The following ZNF687 variants were observed in gnomAD, a reference collection of about 807,000 sequenced individuals.
ZNF687 encodes zinc finger protein 687.
A neutral mutation model predicts 71.8 loss-of-function variants in ZNF687; 13 were observed. The ratio of observed to expected loss-of-function variants is 0.18; its 90% CI spans 0.12 to 0.29. ZNF687 has a LOEUF of 0.29. Ranked by LOEUF, ZNF687 falls within the 10% of genes least tolerant of loss-of-function variation. ZNF687 has a pLI of 1.00. For synonymous variants in ZNF687, 673 were observed against 641.6 expected, an observed-to-expected ratio of 1.05 and a Z score of -0.74; for missense variants, 1,412 against 1,625.6, an observed-to-expected ratio of 0.87 and a Z score of 2.26.
Position 151,291,201 on chromosome 1 carries a change from G to A in ZNF687, c.3706G>A (p.Asp1236Asn), listed in dbSNP as rs1557776454. Residue 1236 changes from aspartate to asparagine, a missense_variant, in exon 9 of 9, where the codon GAC (aspartate) becomes AAC (asparagine). By Grantham distance (23) the Asp-to-Asn change is conservative. Coordinates refer to ENST00000336715, the MANE Select transcript of ZNF687 (RefSeq NM_020832.3). Reference protein sequence around the residue: ...FIRARQGAVGDN With the variant: ...FIRARQGAVGNN ...CAGGGCTCGGCAGGGGGCTGTTGGGGACAACTAGTCTCCAAGGCCTGGGAC... is the reference window on the plus strand; with the variant it reads ...CAGGGCTCGGCAGGGGGCTGTTGGGAACAACTAGTCTCCAAGGCCTGGGAC... 1.9e-6 allele frequency: 3 copies of A among 1,609,494 alleles called. No homozygotes were observed. The highest frequency in any genetic ancestry group is 1.7e-5 in the Admixed American group (1 of 59,828).
chr1:151,291,181 C>A lies in ZNF687; in HGVS notation c.3686C>A (p.Ala1229Asp). Reference protein sequence around the residue: ...FRTHGMAFIRARQGAVGDN With the variant: ...FRTHGMAFIRDRQGAVGDN ...ACGCATGGCATGGCGTTCATCAGGG[C>A]TCGGCAGGGGGCTGTTGGGGACAAC... is the stretch of plus-strand genomic sequence containing the variant. The change falls in exon 9 of 9, where the codon GCT becomes GAT. Residue 1229 changes from alanine (A) to aspartate (D), a missense_variant. Transcript: ENST00000336715. The A allele has an allele frequency of 6.2e-7, 1 of 1,612,318 alleles. No homozygotes were observed. The highest frequency in any genetic ancestry group is 1.3e-5 in the African/African-American group (1 of 75,026).
rs149247665 is a variant in ZNF687, at chr1:151,288,667, G to A, written c.2255G>A (p.Arg752Gln). The change falls in exon 3 of 9, where the codon CGG (arginine) becomes CAG (glutamine). Residue 752 changes from arginine to glutamine, a missense_variant. Arg to Gln is a conservative substitution (Grantham distance 43). Transcript: ENST00000336715. The part of the protein sequence containing the change: ...FLQANFQTHL[R>Q]EACLHVSRRV... ...CAAGCCAATTTTCAGACCCATCTCCGGGAGGCCTGTCTGCACGTCTCTCGC... is the reference window on the plus strand; with the variant it reads ...CAAGCCAATTTTCAGACCCATCTCCAGGAGGCCTGTCTGCACGTCTCTCGC... The A allele has an allele frequency of 1.5e-5, 24 of 1,613,964 alleles. No homozygotes were observed. In the African/African-American group the frequency reaches 2.1e-4, roughly 14 times the overall value.
chr1:151,289,837 C>T lies in ZNF687; in HGVS notation c.2794C>T (p.Pro932Ser), dbSNP rs1694126515. 6.4e-7 allele frequency: 1 copy of T among 1,569,172 alleles called. No homozygotes were observed. The highest frequency in any genetic ancestry group is 8.6e-7 in the Non-Finnish European group (1 of 1,156,472). The change falls in exon 6 of 9, where the codon CCC becomes TCC. Residue 932 changes from proline to serine, a missense_variant. Pro to Ser is a moderately conservative substitution (Grantham distance 74). Around this residue, in one of 8 missense-constraint regions of ZNF687, gnomAD observed 135 missense variants for 104.1 expected, o/e 1.30. Coordinates refer to ENST00000336715, the MANE Select transcript of ZNF687 (RefSeq NM_020832.3). ...SSSSSEEEEV[P>S]SSPEPPRPAK... ...TTCATCTTCAGAAGAGGAGGAAGTA[C>T]CCAGCTCCCCTGAGCCCCCCCGTCC... is the stretch of plus-strand genomic sequence containing the variant.
chr1:151,290,526 C>T lies in ZNF687; in HGVS notation c.3172C>T (p.Pro1058Ser), dbSNP rs587613273. The T allele has an allele frequency of 6.2e-7, 1 of 1,613,914 alleles. No individual in the cohort carries two copies. Among genetic ancestry groups the T allele is most frequent in the East Asian group, 2.2e-5 (1 of 44,886 alleles). Residue 1058 changes from proline (P) to serine (S), a missense_variant, in exon 8 of 9, where the codon CCT becomes TCT. Pro to Ser is a moderately conservative substitution (Grantham distance 74). Transcript: ENST00000336715. ...RHGLQLGAQS[P>S]GRGTTLARGS... ...CGGCTTGCAGCTTGGGGCCCAGTCC[C>T]CTGGCCGGGGGACCACCTTGGCTCG...
Position 151,291,276 on chromosome 1 carries a change from C to T in ZNF687, c.*67C>T. On this transcript the variant is annotated 3_prime_UTR_variant, in exon 9 of 9. Transcript: ENST00000336715. The stretch of plus-strand genomic sequence containing the variant: ...CTGGTTTTCCCTACTGCTGCCTGAT[C>T]CCTCGGCTGGGGAGTTTTCATTAAC... The T allele has an allele frequency of 6.6e-7, 1 of 1,517,570 alleles. No individual in the cohort carries two copies. Among genetic ancestry groups the T allele is most frequent in the African/African-American group, 1.4e-5 (1 of 71,906 alleles). 94.0% of individuals were successfully genotyped at this position (1,517,570 alleles called of 1,614,324 possible). A position where few individuals can be genotyped will look rare whatever the true frequency, so the allele number is the denominator to read the frequency against.
At position 151,290,497 on chromosome 1, in the gene ZNF687, G is replaced by A. The variant is rs201052012; in HGVS notation, c.3143G>A (p.Arg1048Gln). 34 of 1,613,980 alleles carry A rather than the reference G, an allele frequency of 2.1e-5. No homozygotes were observed. In the African/African-American group the frequency reaches 2.7e-4, roughly 13 times the overall value. Reference sequence around the variant, plus strand: ...ATCCTAGAGAAACATGTCCAGGTCCGGCACGGCTTGCAGCTTGGGGCCCAG... The same window carrying A: ...ATCCTAGAGAAACATGTCCAGGTCCAGCACGGCTTGCAGCTTGGGGCCCAG... ...RLILEKHVQV[R>Q]HGLQLGAQSP... The change falls in exon 8 of 9, where the codon CGG becomes CAG. Residue 1048 changes from arginine to glutamine, a missense_variant. This residue lies in a region of ZNF687 where 284 missense variants were observed against 359.2 expected (regional missense o/e 0.79). Transcript: ENST00000336715.
intron 1 of ZNF687, chr1:151,285,062 A>G (rs1196656295): frequency 6.6e-6 from 1 of 152,042 alleles, no homozygotes; most frequent in African/African-American, 2.4e-5. Flanking sequence ...GATGTGAGCC[A>G]CCACACCCGG....
At chr1:151,284,467 T>C (rs907050822) in intron 1 of ZNF687, among the ~76,000 whole-genome samples, 4 of 152,158 alleles carry the variant, frequency 2.6e-5, no homozygotes, top group Non-Finnish European at 5.9e-5. Context: ...TTTGTCTCTT[T>C]CTGTTCCTGT....
In ZNF687 at chr1:151,288,110, A is replaced by T; in HGVS notation, c.1819A>T (p.Met607Leu). The T allele has an allele frequency of 1.9e-6, 3 of 1,613,936 alleles. No individual in the cohort carries two copies. The highest frequency in any genetic ancestry group is 1.7e-6 in the Non-Finnish European group (2 of 1,180,024). The change falls in exon 2 of 9, where the codon ATG (methionine) becomes TTG (leucine). Residue 607 changes from methionine (M) to leucine (L), a missense_variant. Coordinates refer to ENST00000336715, the MANE Select transcript of ZNF687 (RefSeq NM_020832.3). ...LVMRPVALDQ[M>L]VGQPDITPLL... ...CATGAGGCCTGTAGCCCTTGACCAG[A>T]TGGTGGGGCAGCCGGACATCACACC...
Position 151,287,777 on chromosome 1 carries a change from A to G in ZNF687, c.1486A>G (p.Ser496Gly), listed in dbSNP as rs775619923. Residue 496 changes from serine to glycine, a missense_variant, in exon 2 of 9, where the codon AGC (serine) becomes GGC (glycine). By Grantham distance (56) the Ser-to-Gly change is moderately conservative. Coordinates refer to ENST00000336715, the MANE Select transcript of ZNF687 (RefSeq NM_020832.3). This position sits in a 1 kb window ranked among gnomAD's most constrained non-coding sequence, Gnocchi z 5.0. ...CACAGTGATATCACGGACCCAGTCCAGCCTGGTGGAGGCCTTCAACAAGAT... is the reference window on the plus strand; with the variant it reads ...CACAGTGATATCACGGACCCAGTCCGGCCTGGTGGAGGCCTTCAACAAGAT... The part of the protein sequence containing the change: ...GGTVISRTQS[S>G]LVEAFNKILN... The G allele has an allele frequency of 6.2e-7, 1 of 1,614,156 alleles. No individual in the cohort carries two copies. The highest frequency in any genetic ancestry group is 2.2e-5 in the East Asian group (1 of 44,888).
At chr1:151,281,980 G>A, upstream of ZNF687, 1 of 1,216,832 alleles carries the variant, frequency 8.2e-7, no homozygotes, top group Middle Eastern at 2.4e-4. Context: ...GGCAAGCTGG[G>A]AAGCAGGCTG....
Position 151,289,801 on chromosome 1 carries a change from G to A in ZNF687, c.2758G>A (p.Glu920Lys). ...TCAGGGAGGGGCAGCCCCTGCTACT[G>A]AGGAGTCGTCTTCATCTTCAGAAGA... ...VSQGGAAPAT[E>K]ESSSSSEEEE... The change falls in exon 6 of 9, where the codon GAG becomes AAG. Residue 920 changes from glutamate to lysine, a missense_variant. Glu to Lys is a moderately conservative substitution (Grantham distance 56, BLOSUM62 1). Coordinates refer to ENST00000336715, the MANE Select transcript of ZNF687 (RefSeq NM_020832.3). 3 of 1,565,798 alleles carry A rather than the reference G, an allele frequency of 1.9e-6. No homozygotes were observed. Among genetic ancestry groups the A allele is most frequent in the Non-Finnish European group, 2.6e-6 (3 of 1,154,624 alleles).
In ZNF687 at chr1:151,286,262, C is replaced by T; in HGVS notation, c.-17-13C>T. The T allele has an allele frequency of 5.3e-6, 8 of 1,518,824 alleles. No individual in the cohort carries two copies. The highest frequency in any genetic ancestry group is 6.2e-6 in the Non-Finnish European group (7 of 1,134,682). 94.1% of individuals were successfully genotyped at this position (1,518,824 alleles called of 1,614,324 possible). A position where few individuals can be genotyped will look rare whatever the true frequency, so the allele number is the denominator to read the frequency against. ...ACATCTCAGTTTCTCCTCCTCGTTC[C>T]TGTTTTCATCAGGTCTGGGATCTGC... On this transcript the variant is annotated splice_polypyrimidine_tract_variant and intron_variant, in intron 1 of 8. Transcript: ENST00000336715.
intron 1 of ZNF687, chr1:151,283,345 G>GCCTGTTCAGCCTCTT (rs892433415): frequency 3.1e-6 from 3 of 975,436 alleles, no homozygotes; most frequent in Admixed American, 6.2e-5. Context: ...CTCGACCTGG[G>GCCTGTTCAGCCTCTT]CCTGTTCAGC....
At position 151,288,038 on chromosome 1, in the gene ZNF687, C is replaced by T. The variant is rs780005793; in HGVS notation, c.1747C>T (p.Arg583Cys). The part of the protein sequence containing the change: ...FNKCSLLLHA[R>C]EHKDKGLVMQ... ...CAAGTGCAGCCTGCTCCTGCATGCA[C>T]GTGAACACAAGGACAAGGGGCTCGT... Residue 583 changes from arginine (R) to cysteine (C), a missense_variant, in exon 2 of 9, where the codon CGT becomes TGT. Around this residue, in one of 8 missense-constraint regions of ZNF687, gnomAD observed 50 missense variants for 106.6 expected, o/e 0.47. Transcript: ENST00000336715. The T allele has an allele frequency of 6.2e-7, 1 of 1,613,972 alleles. No individual in the cohort carries two copies. The highest frequency in any genetic ancestry group is 8.5e-7 in the Non-Finnish European group (1 of 1,180,044).
chr1:151,288,975 A>T, intron 3 of ZNF687, 120 bp from the exon 4 acceptor site: 1 of 1,161,410 alleles, frequency 8.6e-7, no homozygotes, highest in East Asian at 2.5e-5. Flanking sequence ...CACCCTGCTC[A>T]TGCTCCACTA....
At chr1:151,284,137 G>A (rs1693848396) in intron 1 of ZNF687, 3 of 985,360 alleles carry the variant, frequency 3.0e-6, no homozygotes, top group Non-Finnish European at 3.6e-6. Context: ...TGTTGCCACA[G>A]GAAAATGGAA....
chr1:151,286,123 G>C (rs1283262168), intron 1 of ZNF687, 152 bp from the exon 2 acceptor site: 15 of 579,520 alleles, frequency 2.6e-5, no homozygotes, highest in Non-Finnish European at 4.4e-5. Context: ...AAACCTAGCA[G>C]CTCTGTAGGA....
chr1:151,286,725 G>T lies in ZNF687; in HGVS notation c.434G>T (p.Ser145Ile). 1.9e-6 allele frequency: 3 copies of T among 1,614,222 alleles called. No homozygotes were observed. Among genetic ancestry groups the T allele is most frequent in the East Asian group, 4.5e-5 (2 of 44,882 alleles). The change falls in exon 2 of 9, where the codon AGT (serine) becomes ATT (isoleucine). Residue 145 changes from serine to isoleucine, a missense_variant. By Grantham distance (142) the Ser-to-Ile change is moderately radical. Transcript: ENST00000336715. Reference protein sequence around the residue: ...PGTPHSPAPPSGGTWKEKGME... With the variant: ...PGTPHSPAPPIGGTWKEKGME... ...ACTCCCCACTCTCCTGCTCCTCCCA[G>T]TGGGGGCACCTGGAAAGAAAAAGGC...
Sources: allele counts gnomAD v4.1 joint callset (sites outside exome capture counted in the v4.1 genomes callset), GRCh38; gene constraint gnomAD v4.1.1; regional missense constraint gnomAD v4.1.1; non-coding constraint Gnocchi (gnomAD v3.1); transcripts MANE v1.5; gene names NCBI Gene and HGNC (gene_info 2026-07-23, HGNC 2026-07-21).